LHFPL6: variants seen among roughly 807,000 people sequenced by gnomAD.
LHFPL6 encodes LHFPL tetraspan subfamily member 6.
In LHFPL6, 9 loss-of-function variants were observed where a neutral mutation model predicts 20.6. The ratio of observed to expected loss-of-function variants is 0.44; its 90% CI spans 0.26 to 0.76. The LOEUF is 0.76. Among genes scored for constraint, LHFPL6 ranks in the 30% least tolerant of loss-of-function variants. LHFPL6 has a pLI of 0.20. For synonymous variants in LHFPL6, 105 were observed against 98.7 expected, an observed-to-expected ratio of 1.06 and a Z score of -0.38; for missense variants, 218 against 253.5, an observed-to-expected ratio of 0.86 and a Z score of 0.95.
intron 2 of LHFPL6, among the ~76,000 whole-genome samples, chr13:39,545,657 T>G (rs1450034000): frequency 6.6e-6 from 1 of 152,172 alleles, no homozygotes; most frequent in Non-Finnish European, 1.5e-5. Context: ...AATGGCATAC[T>G]ATTTGAATAT....
At chr13:39,578,432 A>G (rs1447277368) in intron 2 of LHFPL6, among the ~76,000 whole-genome samples, 1 of 152,186 alleles carries the variant, frequency 6.6e-6, no homozygotes, top group Admixed American at 6.5e-5. Context: ...ATACATTTAA[A>G]CAGAATTTTA....
intron 2 of LHFPL6, among the ~76,000 whole-genome samples, chr13:39,444,595 C>T (rs1463991565): frequency 6.6e-6 from 1 of 152,194 alleles, no homozygotes; most frequent in East Asian, 1.9e-4. Context: ...CCCTCAGCTG[C>T]TCTGGCCATG....
At chr13:39,389,287 C>T (rs1441555694) in intron 2 of LHFPL6, among the ~76,000 whole-genome samples, 1 of 152,122 alleles carries the variant, frequency 6.6e-6, no homozygotes, top group African/African-American at 2.4e-5. Context: ...TAACCAAATT[C>T]CCTTGGAAGA....
At position 39,564,562 on chromosome 13, in the gene LHFPL6, T is replaced by C. The variant is rs562207304; in HGVS notation, c.385+36270A>G. Among the ~76,000 whole-genome samples, 3 of 152,282 alleles carry C rather than the reference T, an allele frequency of 2.0e-5. 1 individual carries two copies. In the South Asian group the frequency reaches 6.2e-4, roughly 32 times the overall value. On this transcript the variant is annotated intron_variant, in intron 2 of 3. Coordinates refer to ENST00000379589, the MANE Select transcript of LHFPL6 (RefSeq NM_005780.3). ...AGCCACCATACCCAGAGGTGAACTG[T>C]AGATCAAAAAGAATTACTATGGTGC...
intron 3 of LHFPL6, among the ~76,000 whole-genome samples, chr13:39,353,668 C>T (rs1264192620): frequency 3.3e-5 from 5 of 152,224 alleles, no homozygotes; most frequent in African/African-American, 1.2e-4. Context: ...GCGGAGGTTG[C>T]AGTGAGCCGA....
At chr13:39,592,468 A>T (rs570370919) in intron 2 of LHFPL6, among the ~76,000 whole-genome samples, 75 of 152,318 alleles carry the variant, frequency 4.9e-4, no homozygotes, top group African/African-American at 1.7e-3. Flanking sequence ...TCTGAAATTG[A>T]GGCAATAATT....
chr13:39,488,410 C>A lies in LHFPL6; in HGVS notation c.386-109884G>T, dbSNP rs75080413. On this transcript the variant is annotated intron_variant, in intron 2 of 3. Transcript: ENST00000379589. The stretch of plus-strand genomic sequence containing the variant: ...ACAGTTTAAATGTGAGCTCTGCGAA[C>A]AGGTGATGGATAGCTTGTGAAGTGA... Among the ~76,000 whole-genome samples, 836 of 152,314 alleles carry A rather than the reference C, an allele frequency of 5.5e-3. 7 individuals carry two copies. The highest frequency in any genetic ancestry group is 0.019 in the African/African-American group (796 of 41,570).
chr13:39,394,302 A>G (rs1476470798), intron 2 of LHFPL6, among the ~76,000 whole-genome samples: 1 of 152,158 alleles, frequency 6.6e-6, no homozygotes. Flanking sequence ...TTAATGGCCT[A>G]ATTTTAACTT....
chr13:39,404,408 A>G (rs1046284517), intron 2 of LHFPL6, among the ~76,000 whole-genome samples: 8 of 152,132 alleles, frequency 5.3e-5, no homozygotes, highest in African/African-American at 1.9e-4. Flanking sequence ...CACCTGGTCA[A>G]TTCTGATTCA....
intron 2 of LHFPL6, among the ~76,000 whole-genome samples, chr13:39,426,224 CT>C (rs148406280): frequency 0.17 from 24,253 of 143,526 alleles, 2,126 homozygotes; most frequent in South Asian, 0.26. Context: ...TTTTCTTTTT[CT>C]TTTTTTTTTT....
intron 2 of LHFPL6, among the ~76,000 whole-genome samples, chr13:39,442,724 G>A (rs1872173021): frequency 1.3e-5 from 2 of 152,208 alleles, no homozygotes; most frequent in Admixed American, 6.5e-5. Context: ...CTTGCACTGT[G>A]AATTTTTGCC....
At chr13:39,377,387 C>T (rs1870317641) in intron 3 of LHFPL6, among the ~76,000 whole-genome samples, 1 of 152,088 alleles carries the variant, frequency 6.6e-6, no homozygotes, top group South Asian at 2.1e-4. Context: ...AAATACATTT[C>T]TTTTCCCATA....
At chr13:39,484,931 T>C (rs192433711) in intron 2 of LHFPL6, among the ~76,000 whole-genome samples, 2 of 152,266 alleles carry the variant, frequency 1.3e-5, no homozygotes, top group African/African-American at 4.8e-5. Flanking sequence ...CCCCCTTCCT[T>C]GAATAGCCAG....
rs144579828 is a variant in LHFPL6 at position 39,500,681 on chromosome 13, G to C, written c.385+100151C>G. Among the ~76,000 whole-genome samples the C allele has an allele frequency of 7.7e-3, 1,170 of 152,176 alleles. 6 individuals carry two copies. Among genetic ancestry groups the C allele is most frequent in the African/African-American group, 0.027 (1,120 of 41,510 alleles). On this transcript the variant is annotated intron_variant, in intron 2 of 3. Coordinates refer to ENST00000379589, the MANE Select transcript of LHFPL6 (RefSeq NM_005780.3). ...TTAAATCATAAATTTCTTAAGAAAA[G>C]GCCCATGAATTGTATATTAAATGTT...
intron 2 of LHFPL6, among the ~76,000 whole-genome samples, chr13:39,456,808 T>C (rs1480412099): frequency 6.6e-6 from 1 of 152,170 alleles, no homozygotes; most frequent in Non-Finnish European, 1.5e-5. Context: ...TTCTTTTTTT[T>C]TTTTTTGAGA....
At chr13:39,420,153 A>T (rs986516688) in intron 2 of LHFPL6, among the ~76,000 whole-genome samples, 20 of 152,224 alleles carry the variant, frequency 1.3e-4, no homozygotes, top group African/African-American at 4.6e-4. Context: ...CTCTTTTCCT[A>T]ATTGAGGCAC....
intron 2 of LHFPL6, among the ~76,000 whole-genome samples, chr13:39,573,913 C>T (rs768696328): frequency 1.3e-5 from 2 of 152,016 alleles, no homozygotes; most frequent in Non-Finnish European, 2.9e-5. Flanking sequence ...AACCATATAT[C>T]GCCAGGTTTA....
At chr13:39,390,171 T>G (rs1025988190) in intron 2 of LHFPL6, among the ~76,000 whole-genome samples, 1 of 151,782 alleles carries the variant, frequency 6.6e-6, no homozygotes, top group Non-Finnish European at 1.5e-5. Context: ...AAAAAAGTAG[T>G]AAAATCTACA....
intron 2 of LHFPL6, among the ~76,000 whole-genome samples, chr13:39,549,446 C>T (rs536388687): frequency 6.6e-6 from 1 of 152,010 alleles, no homozygotes; most frequent in South Asian, 2.1e-4. Flanking sequence ...TTCCTAGATA[C>T]AACACAAAAA....
Sources: allele counts gnomAD v4.1 joint callset (sites outside exome capture counted in the v4.1 genomes callset), GRCh38; gene constraint gnomAD v4.1.1; transcripts MANE v1.5; gene names NCBI Gene and HGNC (gene_info 2026-07-23, HGNC 2026-07-21).